PHKG2: variants seen among roughly 807,000 people sequenced by gnomAD.
PHKG2 encodes phosphorylase kinase catalytic subunit gamma 2.
Under a neutral mutation model 44.5 loss-of-function variants are expected in PHKG2, and 28 were observed. The ratio of observed to expected loss-of-function variants is 0.63; its 90% confidence interval spans 0.47 to 0.86. The LOEUF is 0.86. Among genes scored for constraint, PHKG2 ranks in the 40% least tolerant of loss-of-function variants. The pLI, the probability that PHKG2 is intolerant of heterozygous loss-of-function variation, is 0.00. For missense variants in PHKG2, 498 were observed against 547.5 expected (o/e 0.91, Z 0.90); for synonymous variants, 220 against 211.2 (o/e 1.04, Z -0.36).
Position 30,751,273 on chromosome 16 carries a change from C to T in PHKG2, c.263C>T (p.Pro88Leu). The T allele has an allele frequency of 6.2e-7, 1 of 1,609,636 alleles. No homozygotes were observed. The highest frequency in any genetic ancestry group is 1.1e-5 in the South Asian group (1 of 91,080). The change falls in exon 3 of 10, where the codon CCC (proline) becomes CTC (leucine). Residue 88 changes from proline (P) to leucine (L), a missense_variant. Transcript: ENST00000563588. ...ATCCTTCGCCAGGTCGCCGGCCACC[C>T]CCACATCAGTGAGGCTGTCTTCCTT... The part of the protein sequence containing the change: ...THILRQVAGH[P>L]HIITLIDSYE...
Position 30,757,020 on chromosome 16 carries a change from T to C in PHKG2, c.1144T>C (p.Phe382Leu), listed in dbSNP as rs1157289801. Residue 382 changes from phenylalanine to leucine, a missense_variant, in exon 10 of 10, where the codon TTT becomes CTT. By Grantham distance (22) the Phe-to-Leu change is conservative. Transcript: ENST00000563588. ...CTTTCAGCACCGGCCCCCTGGGCCT[T>C]TTCCCATCATGGGCCCTGAAGAGGA... ...ALFQHRPPGP[F>L]PIMGPEEEGD... 6.2e-7 allele frequency: 1 copy of C among 1,612,408 alleles called. No homozygotes were observed. The highest frequency in any genetic ancestry group is 1.1e-5 in the South Asian group (1 of 91,090).
In PHKG2 at chr16:30,757,341, A is replaced by G. The variant is rs1378396433; in HGVS notation, c.*244A>G. The G allele has an allele frequency of 1.3e-5, 20 of 1,529,146 alleles. No individual in the cohort carries two copies. The highest frequency in any genetic ancestry group is 1.8e-5 in the Non-Finnish European group (20 of 1,142,478). 94.7% of individuals were successfully genotyped at this position (1,529,146 alleles called of 1,614,324 possible). On this transcript the variant is annotated 3_prime_UTR_variant, in exon 10 of 10. Transcript: ENST00000563588. Reference sequence around the variant, plus strand: ...GTGCTGCATGCACTGCATATGAAATAAAATCTGCTACACGCCAGGGAGAAC... The same window carrying G: ...GTGCTGCATGCACTGCATATGAAATGAAATCTGCTACACGCCAGGGAGAAC...
chr16:30,749,820 G>A (rs1178515087), intron 2 of PHKG2, among the ~76,000 whole-genome samples: 1 of 152,164 alleles, frequency 6.6e-6, no homozygotes, highest in Non-Finnish European at 1.5e-5. Flanking sequence ...TCCACCCGAA[G>A]TGACTGAAAT....
intron 4 of PHKG2, 142 bp downstream of exon 4, chr16:30,751,745 C>G: frequency 4.9e-6 from 4 of 810,284 alleles, no homozygotes; most frequent in South Asian, 4.0e-5. Flanking sequence ...GGCCTGCCTG[C>G]TAGCGCATGG....
At chr16:30,748,720 G>T in intron 1 of PHKG2, 83 bp from the exon 2 acceptor site, 1 of 450,562 alleles carries the variant, frequency 2.2e-6, no homozygotes. Context: ...CAGCTGCAAG[G>T]GCTGCGCCCC....
rs771846341 is a variant in PHKG2, at chr16:30,760,205, T to G, written c.*3108T>G. The stretch of plus-strand genomic sequence containing the variant: ...ATATTCCAGGCAGAAATCCCCTGCT[T>G]CTGCTTCCCATGGTCACTTGTGCCA... On this transcript the variant is annotated 3_prime_UTR_variant, in exon 10 of 10. Transcript: ENST00000563588. 1 of 1,610,604 alleles carries G rather than the reference T, an allele frequency of 6.2e-7. No individual in the cohort carries two copies. The highest frequency in any genetic ancestry group is 8.5e-7 in the Non-Finnish European group (1 of 1,179,856).
Position 30,760,651 on chromosome 16 carries a change from T to G in PHKG2, c.*3554T>G. ...GGTCTTCTCCAGCTGGTGCATGGAA[T>G]GGACGTCCAGGTACTTCCTGTTATA... On this transcript the variant is annotated 3_prime_UTR_variant, in exon 10 of 10. Coordinates refer to ENST00000563588, the MANE Select transcript of PHKG2 (RefSeq NM_000294.3). 2 of 1,553,944 alleles carry G rather than the reference T, an allele frequency of 1.3e-6. No individual in the cohort carries two copies. Among genetic ancestry groups the G allele is most frequent in the Non-Finnish European group, 1.7e-6 (2 of 1,148,372 alleles).
chr16:30,753,130 A>G (rs1369657433), intron 4 of PHKG2, 102 bp from the exon 5 acceptor site: 2 of 924,222 alleles, frequency 2.2e-6, no homozygotes, highest in South Asian at 1.4e-5. Flanking sequence ...GCAGAGATCT[A>G]TCTTTAGTGG....
Position 30,748,835 on chromosome 16 carries a change from G to A in PHKG2, c.15G>A (p.Val5=). Residue 5 remains valine (V), a synonymous_variant, in exon 2 of 10, where the codon GTG becomes GTA. Coordinates refer to ENST00000563588, the MANE Select transcript of PHKG2 (RefSeq NM_000294.3). The part of the protein sequence containing the change: MTLD[V]GPEDELPDWA... ...CCTCCTTCAGGATGACGCTGGACGT[G>A]GGGCCGGAGGATGAGCTGCCCGACT... 1 of 1,552,240 alleles carries A rather than the reference G, an allele frequency of 6.4e-7. No individual in the cohort carries two copies. The highest frequency in any genetic ancestry group is 2.4e-5 in the East Asian group (1 of 41,132).
intron 2 of PHKG2, among the ~76,000 whole-genome samples, chr16:30,749,804 A>G (rs2053320966): frequency 6.6e-6 from 1 of 152,160 alleles, no homozygotes; most frequent in African/African-American, 2.4e-5. Context: ...TATGCCCTGG[A>G]GGTACTCCAC....
Position 30,759,148 on chromosome 16 carries a change from G to C in PHKG2, c.*2051G>C, listed in dbSNP as rs750771634. ...AGACTGTGGCCCCAGGCCTGGCCCAGCCCAGCCCTGCCCTGGCACTCTCCC... is the reference window on the plus strand; with the variant it reads ...AGACTGTGGCCCCAGGCCTGGCCCACCCCAGCCCTGCCCTGGCACTCTCCC... On this transcript the variant is annotated 3_prime_UTR_variant, in exon 10 of 10. Coordinates refer to ENST00000563588, the MANE Select transcript of PHKG2 (RefSeq NM_000294.3). 6.2e-7 allele frequency: 1 copy of C among 1,614,168 alleles called. No individual in the cohort carries two copies. Among genetic ancestry groups the C allele is most frequent in the Non-Finnish European group, 8.5e-7 (1 of 1,180,038 alleles).
Position 30,757,374 on chromosome 16 carries a change from C to G in PHKG2, c.*277C>G. ...CTACACGCCAGGGAGAACAGGTGTC[C>G]TGTGTCTGTCTGGCTTGGGCAGGAA... On this transcript the variant is annotated 3_prime_UTR_variant, in exon 10 of 10. Transcript: ENST00000563588. 6.5e-7 allele frequency: 1 copy of G among 1,542,664 alleles called. No individual in the cohort carries two copies. Among genetic ancestry groups the G allele is most frequent in the African/African-American group, 1.4e-5 (1 of 72,884 alleles).
intron 2 of PHKG2, among the ~76,000 whole-genome samples, chr16:30,749,726 T>C (rs1335153476): frequency 6.6e-6 from 1 of 152,148 alleles, no homozygotes; most frequent in Non-Finnish European, 1.5e-5. Flanking sequence ...TCAACCCCAT[T>C]TTTTCACGGA....
In PHKG2 at chr16:30,761,105, GTAA is replaced by G; in HGVS notation, c.*4009_*4011del. 1 of 1,456,208 alleles carries G rather than the reference GTAA, an allele frequency of 6.9e-7. No homozygotes were observed. 90.2% of individuals were successfully genotyped at this position (1,456,208 alleles called of 1,614,324 possible). On this transcript the variant is annotated 3_prime_UTR_variant, in exon 10 of 10. Coordinates refer to ENST00000563588, the MANE Select transcript of PHKG2 (RefSeq NM_000294.3). ...GCATCTCCAGGCCTCAGTCTCATCT[GTAA>G]AATGGGGATGCCCTGGCCACAGACA...
rs527377663 is a variant in PHKG2 at position 30,751,489 on chromosome 16, G to A, written c.272-60G>A. On this transcript the variant is annotated intron_variant, in intron 3 of 9. Coordinates refer to ENST00000563588, the MANE Select transcript of PHKG2 (RefSeq NM_000294.3). Reference sequence around the variant, plus strand: ...TGCTGTCCCAGGGTGGCCAAGCCCCGTTAATGTGCATCCACTCCTTTCCAT... The same window carrying A: ...TGCTGTCCCAGGGTGGCCAAGCCCCATTAATGTGCATCCACTCCTTTCCAT... 55 of 1,511,728 alleles carry A rather than the reference G, an allele frequency of 3.6e-5. No homozygotes were observed. In the Middle Eastern group the frequency reaches 1.5e-3, roughly 42 times the overall value. 93.6% of individuals were successfully genotyped at this position (1,511,728 alleles called of 1,614,324 possible). A position where few individuals can be genotyped will look rare whatever the true frequency, so the allele number is the denominator to read the frequency against.
chr16:30,751,444 T>C, intron 3 of PHKG2, 105 bp from the exon 4 acceptor site: 1 of 1,295,416 alleles, frequency 7.7e-7, no homozygotes, highest in Admixed American at 1.7e-5. Flanking sequence ...GGTTCTCCTT[T>C]CTTCCCAGTA....
At chr16:30,751,040 G>C in intron 2 of PHKG2, 66 bp from the exon 3 acceptor site, 1 of 1,534,088 alleles carries the variant, frequency 6.5e-7, no homozygotes, top group South Asian at 1.1e-5. Context: ...AGGATGCTGA[G>C]GCCCCAGCCT....
At chr16:30,748,686 C>G in intron 1 of PHKG2, 117 bp from the exon 2 acceptor site, 1 of 333,914 alleles carries the variant, frequency 3.0e-6, no homozygotes, top group East Asian at 7.1e-5. Context: ...CCACCCCCCC[C>G]CACCCCCCAG....
In PHKG2 at chr16:30,760,397, A is replaced by G. The variant is rs2151317769; in HGVS notation, c.*3300A>G. 6.2e-7 allele frequency: 1 copy of G among 1,614,206 alleles called. No individual in the cohort carries two copies. Among genetic ancestry groups the G allele is most frequent in the Non-Finnish European group, 8.5e-7 (1 of 1,180,042 alleles). On this transcript the variant is annotated 3_prime_UTR_variant, in exon 10 of 10. Coordinates refer to ENST00000563588, the MANE Select transcript of PHKG2 (RefSeq NM_000294.3). Reference sequence around the variant, plus strand: ...CGCGTGGCAGAAGAGGTCCAGGGTGATGGCGTCCCTCAGGCTCTGCTCAGG... The same window carrying G: ...CGCGTGGCAGAAGAGGTCCAGGGTGGTGGCGTCCCTCAGGCTCTGCTCAGG...
Sources: allele counts gnomAD v4.1 joint callset (sites outside exome capture counted in the v4.1 genomes callset), GRCh38; gene constraint gnomAD v4.1.1; transcripts MANE v1.5; gene names NCBI Gene and HGNC (gene_info 2026-07-23, HGNC 2026-07-21).